TPO: variants seen among roughly 807,000 people sequenced by gnomAD.
TPO encodes thyroid microsomal antigen.
TPO carries 78 observed loss-of-function variants against 96.9 expected under a neutral mutation model. The ratio of observed to expected loss-of-function variants is 0.81; its 90% CI spans 0.67 to 0.97. The LOEUF (loss-of-function observed/expected upper bound fraction) is 0.97, where lower values mean the gene tolerates loss of function less well. TPO is among the 50% of genes least tolerant of loss of function. The pLI is 0.00. For missense variants in TPO, 1,252 were observed against 1,274.8 expected (o/e 0.98, Z 0.27); for synonymous variants, 547 against 538.0 (o/e 1.02, Z -0.23).
chr2:1,392,370 G>T (rs1662015522), intron 1 of TPO, among the ~76,000 whole-genome samples: 1 of 152,186 alleles, frequency 6.6e-6, no homozygotes, highest in Non-Finnish European at 1.5e-5. Context: ...AATCATGGTG[G>T]ATAAGCTTTT....
chr2:1,374,762 C>G (rs1212637500), intron 1 of TPO, among the ~76,000 whole-genome samples: 2 of 144,354 alleles, frequency 1.4e-5, no homozygotes, highest in African/African-American at 5.2e-5. Context: ...ACGTCTTGCT[C>G]TGTCACCCAG....
chr2:1,409,423 T>C (rs1455294864), upstream of TPO, among the ~76,000 whole-genome samples: 2 of 152,256 alleles, frequency 1.3e-5, no homozygotes, highest in Non-Finnish European at 2.9e-5. Flanking sequence ...GGGAATTTAA[T>C]TAAGTTTGAA....
chr2:1,405,341 TCATC>T (rs975495312), intron 1 of TPO, among the ~76,000 whole-genome samples: 6 of 151,196 alleles, frequency 4.0e-5, no homozygotes, highest in African/African-American at 1.2e-4. Context: ...CATCCATTCA[TCATC>T]CATCCACCCA....
intron 15 of TPO, among the ~76,000 whole-genome samples, chr2:1,532,551 C>A (rs1254185852): frequency 1.4e-4 from 19 of 134,628 alleles, no homozygotes; most frequent in Non-Finnish European, 2.8e-4. Context: ...CTGTCAGCAA[C>A]CTCCTCAAAT....
chr2:1,436,715 C>T (rs770658414), intron 5 of TPO, among the ~76,000 whole-genome samples: 11 of 152,324 alleles, frequency 7.2e-5, no homozygotes, highest in African/African-American at 1.4e-4. Context: ...TCGCTAGCTC[C>T]GCTACCCATT....
In TPO at chr2:1,503,350, C is replaced by T. The variant is rs28912993; in HGVS notation, c.2387-598C>T. ...GGGCATGTAGAGAAGACCTGTGACA[C>T]GCTACAGCTTCTTTTCTAAAACTGG... On this transcript the variant is annotated intron_variant, in intron 13 of 16. Transcript: ENST00000329066. Among the ~76,000 whole-genome samples the T allele has an allele frequency of 7.6e-3, 1,159 of 152,344 alleles. 9 individuals carry two copies. Among genetic ancestry groups the T allele is most frequent in the African/African-American group, 0.025 (1,033 of 41,580 alleles).
At chr2:1,474,712 T>C (rs1012316215) in intron 7 of TPO, among the ~76,000 whole-genome samples, 1 of 152,206 alleles carries the variant, frequency 6.6e-6, no homozygotes, top group Non-Finnish European at 1.5e-5. Flanking sequence ...TGTGCTGCCA[T>C]GAAACCGCAT....
chr2:1,503,791 C>T (rs1196860332), intron 13 of TPO, 157 bp from the exon 14 acceptor site: 27 of 1,377,060 alleles, frequency 2.0e-5, no homozygotes, highest in African/African-American at 7.2e-5. Flanking sequence ...TCGGATGTGC[C>T]GGGAGCAGGG....
At chr2:1,436,410 T>A (rs1213467228) in intron 5 of TPO, 26 bp downstream of exon 5, 1 of 1,614,120 alleles carries the variant, frequency 6.2e-7, no homozygotes, top group African/African-American at 1.3e-5. Context: ...TTTCTTAATC[T>A]TCTCGTGAAA....
intron 7 of TPO, among the ~76,000 whole-genome samples, chr2:1,472,172 A>G (rs528243039): frequency 2.0e-5 from 3 of 151,822 alleles, no homozygotes; most frequent in South Asian, 2.1e-4. Context: ...TGCTCATGGC[A>G]TGCCCTTTCC....
chr2:1,479,349 A>C (rs1670316565), intron 8 of TPO, among the ~76,000 whole-genome samples: 1 of 152,222 alleles, frequency 6.6e-6, no homozygotes, highest in Non-Finnish European at 1.5e-5. Flanking sequence ...CTCAGGACCC[A>C]CAATTTGCCA....
At chr2:1,535,650 A>G (rs1573641921) in intron 15 of TPO, among the ~76,000 whole-genome samples, 1 of 59,616 alleles carries the variant, frequency 1.7e-5, no homozygotes, top group Non-Finnish European at 3.2e-5. Context: ...GCTGTGTGCA[A>G]CCTCCTCAAA....
At chr2:1,528,061 G>C in intron 15 of TPO, among the ~76,000 whole-genome samples, 1 of 140,772 alleles carries the variant, frequency 7.1e-6, no homozygotes, top group African/African-American at 2.7e-5. Flanking sequence ...CCCACTGTGT[G>C]CAACCCCCCC....
rs535026944 is a variant in TPO at position 1,429,843 on chromosome 2, C to A, written c.180-3595C>A. On this transcript the variant is annotated intron_variant, in intron 3 of 16. Transcript: ENST00000329066. ...CAAGGGGTGGTCTGGCTTCTTCTAA[C>A]AACCAACCATCAGATATGAGAGCAA... 2.8e-4 allele frequency among the ~76,000 whole-genome samples: 42 copies of A among 152,320 alleles called. No individual in the cohort carries two copies. In the East Asian group the frequency reaches 7.1e-3, roughly 26 times the overall value.
intron 5 of TPO, among the ~76,000 whole-genome samples, chr2:1,452,811 G>GA (rs1211677947): frequency 6.6e-6 from 1 of 152,310 alleles, no homozygotes; most frequent in East Asian, 1.9e-4. Context: ...GTTTCTAGAA[G>GA]ATGCTCTGAG....
At chr2:1,500,416 G>A (rs1672755734) in intron 13 of TPO, among the ~76,000 whole-genome samples, 1 of 152,122 alleles carries the variant, frequency 6.6e-6, no homozygotes, top group Non-Finnish European at 1.5e-5. Flanking sequence ...GCTGTTCCCT[G>A]CACTAGAAGT....
chr2:1,418,385 A>G (rs961366076), intron 2 of TPO, among the ~76,000 whole-genome samples: 3 of 152,042 alleles, frequency 2.0e-5, no homozygotes, highest in African/African-American at 7.2e-5. Flanking sequence ...GGAAGGTGAG[A>G]ATAAGAAGGG....
chr2:1,515,706 C>A lies in TPO; in HGVS notation c.2519-1177C>A, dbSNP rs114521982. Among the ~76,000 whole-genome samples the A allele has an allele frequency of 7.8e-3, 1,186 of 152,106 alleles. 15 individuals are homozygous for A. Among genetic ancestry groups the A allele is most frequent in the African/African-American group, 0.027 (1,118 of 41,488 alleles). ...AATCATGCCCAGGTGCTAAGTGGCACAGGGAACCGCAGTCACCCACAGACG... is the reference window on the plus strand; with the variant it reads ...AATCATGCCCAGGTGCTAAGTGGCAAAGGGAACCGCAGTCACCCACAGACG... On this transcript the variant is annotated intron_variant, in intron 14 of 16. Coordinates refer to ENST00000329066, the MANE Select transcript of TPO (RefSeq NM_001206744.2).
rs141635676 is a variant in TPO, at chr2:1,447,761, A to G, written c.483-5933A>G. 7.2e-5 allele frequency among the ~76,000 whole-genome samples: 11 copies of G among 152,298 alleles called. 1 individual carries two copies. The East Asian group carries it at 2.1e-3, about 29-fold the overall frequency. ...GATATGTGTGTGTGAAAGCATGTGT[A>G]TATGATATTTATTCAGAACCATCCT... On this transcript the variant is annotated intron_variant, in intron 5 of 16. Transcript: ENST00000329066.
Sources: allele counts gnomAD v4.1 joint callset (sites outside exome capture counted in the v4.1 genomes callset), GRCh38; gene constraint gnomAD v4.1.1; transcripts MANE v1.5; gene names NCBI Gene and HGNC (gene_info 2026-07-23, HGNC 2026-07-21).